TMC5: variants seen among roughly 807,000 people sequenced by gnomAD.
TMC5 encodes the protein transmembrane channel like 5, also known as transmembrane channel-like protein 5.
A neutral mutation model predicts 110.5 loss-of-function variants in TMC5; 86 were observed. The observed-to-expected ratio is 0.78, with a 90% CI of 0.65 to 0.93. TMC5 has a LOEUF of 0.93. Ranked by LOEUF, TMC5 falls within the 40% of genes least tolerant of loss-of-function variation. The pLI is 0.00. For missense variants in TMC5, 1,144 were observed against 1,222.8 expected (o/e 0.94, Z 0.96); for synonymous variants, 455 against 439.5 (o/e 1.04, Z -0.44).
At chr16:19,423,792 C>T (rs1343457253) in intron 1 of TMC5, among the ~76,000 whole-genome samples, 1 of 152,100 alleles carries the variant, frequency 6.6e-6, no homozygotes, top group Non-Finnish European at 1.5e-5. Flanking sequence ...TTCTCTGTTA[C>T]CCAGGCTGGA....
chr16:19,476,529 G>T (rs186097054), intron 12 of TMC5, among the ~76,000 whole-genome samples: 1 of 152,190 alleles, frequency 6.6e-6, no homozygotes, highest in East Asian at 1.9e-4. Context: ...AGTATGATGG[G>T]CATAAAATAC....
At chr16:19,434,726 A>G (rs1967303638) in intron 2 of TMC5, among the ~76,000 whole-genome samples, 1 of 152,106 alleles carries the variant, frequency 6.6e-6, no homozygotes, top group Non-Finnish European at 1.5e-5. Context: ...TTGTACATAA[A>G]TAAATATAAT....
chr16:19,445,022 G>A (rs1404506647), intron 4 of TMC5, among the ~76,000 whole-genome samples: 1 of 152,048 alleles, frequency 6.6e-6, no homozygotes, highest in African/African-American at 2.4e-5. Context: ...TGCCATACTC[G>A]GGAGGCTAAG....
chr16:19,448,573 C>A (rs1157378203), intron 4 of TMC5, among the ~76,000 whole-genome samples: 1 of 149,668 alleles, frequency 6.7e-6, no homozygotes, highest in Non-Finnish European at 1.5e-5. Flanking sequence ...GAGCTGAAAT[C>A]GCACCACTGC....
chr16:19,417,721 A>G (rs1966891043), upstream of TMC5: 1 of 152,220 alleles, frequency 6.6e-6, no homozygotes, highest in African/African-American at 2.4e-5. Context: ...TTAGGCCTTC[A>G]TCGTCGCGGA....
At chr16:19,472,712 A>G (rs1005484123) in intron 11 of TMC5, among the ~76,000 whole-genome samples, 5 of 152,054 alleles carry the variant, frequency 3.3e-5, no homozygotes, top group Non-Finnish European at 5.9e-5. Flanking sequence ...CATTGTACAG[A>G]TGGAGAAAAG....
At chr16:19,492,117 A>G (rs760368133) in intron 18 of TMC5, 33 bp from the exon 19 acceptor site, 23 of 1,544,134 alleles carry the variant, frequency 1.5e-5, no homozygotes, top group South Asian at 5.6e-5. Context: ...AAACATTTGC[A>G]AGAGTGTCAT....
intron 19 of TMC5, among the ~76,000 whole-genome samples, chr16:19,493,465 C>CTCTCT (rs71375644): frequency 0.038 from 2,847 of 74,664 alleles, 93 homozygotes; most frequent in African/African-American, 0.09. Context: ...CTCTCTCTCT[C>CTCTCT]TTTTTTTTTT....
intron 10 of TMC5, among the ~76,000 whole-genome samples, chr16:19,471,190 G>A (rs563766247): frequency 2.0e-5 from 3 of 152,086 alleles, no homozygotes; most frequent in African/African-American, 7.2e-5. Flanking sequence ...CTGGGATCCA[G>A]TTAGCCTCTC....
At chr16:19,470,895 G>T (rs1968323402) in intron 10 of TMC5, among the ~76,000 whole-genome samples, 1 of 151,848 alleles carries the variant, frequency 6.6e-6, no homozygotes, top group South Asian at 2.1e-4. Context: ...AAGTAGCCGG[G>T]CGTGGTGGCG....
intron 4 of TMC5, among the ~76,000 whole-genome samples, chr16:19,444,690 T>A (rs1967572936): frequency 6.6e-6 from 1 of 152,212 alleles, no homozygotes; most frequent in Non-Finnish European, 1.5e-5. Flanking sequence ...TAGCTGCCAG[T>A]GGCCACCTGT....
At chr16:19,460,083 G>GTT (rs199896297) in intron 5 of TMC5, 152 bp from the exon 6 acceptor site, 80 of 506,232 alleles carry the variant, frequency 1.6e-4, no homozygotes, top group Middle Eastern at 4.8e-4. Context: ...ACATATATGT[G>GTT]TTTTTTTTGT....
At chr16:19,442,368 A>T (rs542953235) in intron 3 of TMC5, among the ~76,000 whole-genome samples, 2 of 143,192 alleles carry the variant, frequency 1.4e-5, no homozygotes, top group African/African-American at 5.2e-5. Context: ...TCACTCTGTC[A>T]TCCAGGTTGG....
intron 1 of TMC5, among the ~76,000 whole-genome samples, chr16:19,424,226 C>T (rs1055161451): frequency 1.3e-5 from 2 of 152,190 alleles, no homozygotes; most frequent in Non-Finnish European, 2.9e-5. Context: ...GACTTTTCCA[C>T]AGGTTCAGTT....
intron 20 of TMC5, among the ~76,000 whole-genome samples, chr16:19,494,611 A>T (rs1969002935): frequency 6.6e-6 from 1 of 152,202 alleles, no homozygotes; most frequent in Non-Finnish European, 1.5e-5. Context: ...GTTTGAGACC[A>T]GCCTGGCCAA....
intron 19 of TMC5, among the ~76,000 whole-genome samples, chr16:19,492,549 G>A (rs755525149): frequency 5.3e-5 from 8 of 151,802 alleles, no homozygotes; most frequent in East Asian, 2.0e-4. Context: ...GGGTTCAAGC[G>A]ATTCTCCTGC....
chr16:19,451,508 A>G (rs1321358558), intron 5 of TMC5, among the ~76,000 whole-genome samples: 1 of 152,128 alleles, frequency 6.6e-6, no homozygotes, highest in African/African-American at 2.4e-5. Flanking sequence ...TCTTGCCAGC[A>G]TGAGGTTTGG....
Position 19,469,779 on chromosome 16 carries a change from A to G in TMC5, c.1736A>G (p.Glu579Gly), listed in dbSNP as rs769526043. Reference sequence around the variant, plus strand: ...TGCTGGGACTTCACTGTCACTCATGAAAAAGCTGTGAAGCTAAAACAGAAG... The same window carrying G: ...TGCTGGGACTTCACTGTCACTCATGGAAAAGCTGTGAAGCTAAAACAGAAG... ...IFCWDFTVTH[E>G]KAVKLKQKNL... The change falls in exon 10 of 22, where the codon GAA becomes GGA. Residue 579 changes from glutamate to glycine, a missense_variant. By Grantham distance (98) the Glu-to-Gly change is moderately conservative (BLOSUM62 -2). Transcript: ENST00000542583. The G allele has an allele frequency of 6.2e-7, 1 of 1,614,188 alleles. No homozygotes were observed. Among genetic ancestry groups the G allele is most frequent in the East Asian group, 2.2e-5 (1 of 44,886 alleles).
intron 18 of TMC5, among the ~76,000 whole-genome samples, chr16:19,491,726 A>G (rs6497382): frequency 0.85 from 128,872 of 151,768 alleles, 54,788 homozygotes; most frequent in South Asian, 0.91. Context: ...TAATAGAGAC[A>G]GGGTTTCACT....
Sources: gnomAD v4.1 joint callset for allele counts (sites outside exome capture counted in the v4.1 genomes callset) on GRCh38, gnomAD v4.1.1 for gene constraint, MANE v1.5 for transcripts, NCBI Gene and HGNC (gene_info 2026-07-23, HGNC 2026-07-21) for gene names.